GALNT10: variants seen among roughly 807,000 people sequenced by gnomAD.
GALNT10 encodes the protein polypeptide N-acetylgalactosaminyltransferase 10.
Under a neutral mutation model 75.0 loss-of-function variants are expected in GALNT10, and 41 were observed. That is an observed-to-expected ratio of 0.55 (90% CI 0.43 to 0.71). The LOEUF (loss-of-function observed/expected upper bound fraction) is 0.71. Ranked by LOEUF, GALNT10 falls within the 30% of genes least tolerant of loss-of-function variation. GALNT10 has a pLI of 0.00. For missense variants in GALNT10, 727 were observed against 818.5 expected (o/e 0.89, Z 1.36); for synonymous variants, 302 against 313.0 (o/e 0.96, Z 0.37).
intron 1 of GALNT10, chr5:154,287,637 A>T (rs1754131584): frequency 6.6e-6 from 1 of 152,166 alleles, no homozygotes; most frequent in Non-Finnish European, 1.5e-5. Context: ...CTTGTCTCAT[A>T]GCTGTTTGTG....
intron 1 of GALNT10, among the ~76,000 whole-genome samples, chr5:154,272,407 G>C (rs1753880884): frequency 1.3e-5 from 2 of 152,058 alleles, no homozygotes; most frequent in Non-Finnish European, 2.9e-5. Context: ...CTTCTTTTAG[G>C]CTCAGGGTCC....
At chr5:154,359,551 AAGAG>A (rs931799813) in intron 4 of GALNT10, among the ~76,000 whole-genome samples, 5 of 150,250 alleles carry the variant, frequency 3.3e-5, no homozygotes, top group African/African-American at 4.9e-5. Flanking sequence ...AAAAAAAAAA[AAGAG>A]AGAGAGAGAA....
At chr5:154,330,639 T>C (rs1298520612) in intron 4 of GALNT10, among the ~76,000 whole-genome samples, 2 of 152,106 alleles carry the variant, frequency 1.3e-5, no homozygotes, top group Non-Finnish European at 2.9e-5. Context: ...AAAAGTGAAA[T>C]CTAAGAGGAA....
rs150192577 is a variant in GALNT10 at position 154,329,585 on chromosome 5, C to T, written c.415C>T (p.Arg139Cys). 3.3e-4 allele frequency: 533 copies of T among 1,613,492 alleles called. No individual in the cohort carries two copies. Among genetic ancestry groups the T allele is most frequent in the Non-Finnish European group, 4.3e-4 (508 of 1,179,602 alleles). The change falls in exon 4 of 12, where the codon CGC becomes TGC. Residue 139 changes from arginine to cysteine, a missense_variant. Coordinates refer to ENST00000297107, the MANE Select transcript of GALNT10 (RefSeq NM_198321.4). The stretch of plus-strand genomic sequence containing the variant: ...GTTTCCCTCTAGCTGCAACAGCAAG[C>T]GCTACCTGGAGACACTTCCCAACAC... ...DIRHPNCNSKRYLETLPNTSI... is the reference protein window; with the variant it reads ...DIRHPNCNSKCYLETLPNTSI...
chr5:154,394,347 T>C (rs1000142160), intron 7 of GALNT10, among the ~76,000 whole-genome samples: 31 of 151,144 alleles, frequency 2.1e-4, no homozygotes, highest in Admixed American at 1.3e-3. Flanking sequence ...ACTCTGATTT[T>C]TTTTTTCCCA....
At chr5:154,228,304 G>T (rs1753093608) in intron 1 of GALNT10, among the ~76,000 whole-genome samples, 1 of 152,180 alleles carries the variant, frequency 6.6e-6, no homozygotes, top group Admixed American at 6.5e-5. Context: ...ATACTCAGTT[G>T]TTCTGGTATC....
chr5:154,243,386 AT>A (rs1753369302), intron 1 of GALNT10, among the ~76,000 whole-genome samples: 1 of 152,234 alleles, frequency 6.6e-6, no homozygotes, highest in Non-Finnish European at 1.5e-5. Context: ...TCTGAGTACT[AT>A]TTAACATAGG....
At position 154,191,002 on chromosome 5, in the gene GALNT10, G is replaced by C; in HGVS notation, c.136G>C (p.Ala46Pro). The C allele has an allele frequency of 6.8e-7, 1 of 1,480,018 alleles. No homozygotes were observed. Among genetic ancestry groups the C allele is most frequent in the Non-Finnish European group, 9.0e-7 (1 of 1,112,738 alleles). 91.7% of individuals were successfully genotyped at this position (1,480,018 alleles called of 1,614,324 possible). The change falls in exon 1 of 12, where the codon GCG becomes CCG. Residue 46 changes from alanine to proline, a missense_variant. Transcript: ENST00000297107. ...PDGTPGGSGAAVAPAAGQGSH... is the reference protein window; with the variant it reads ...PDGTPGGSGAPVAPAAGQGSH... ...CGGCACCCCTGGGGGATCGGGGGCGGCGGTGGCGCCGGCGGCGGGACAGGT... is the reference window on the plus strand; with the variant it reads ...CGGCACCCCTGGGGGATCGGGGGCGCCGGTGGCGCCGGCGGCGGGACAGGT...
In GALNT10 at chr5:154,376,402, G is replaced by A; in HGVS notation, c.694G>A (p.Val232Ile). 3 of 1,605,916 alleles carry A rather than the reference G, an allele frequency of 1.9e-6. No individual in the cohort carries two copies. Among genetic ancestry groups the A allele is most frequent in the South Asian group, 1.1e-5 (1 of 89,616 alleles). Residue 232 changes from valine to isoleucine, a missense_variant, in exon 5 of 12, where the codon GTC becomes ATC. Transcript: ENST00000297107. This position sits in a 1 kb window ranked among gnomAD's most constrained non-coding sequence, Gnocchi z 4.1. ...GGGGGCCTCAGTGGCAACTGGGGATGTCATCACATTCTTGGATTCACACTG... is the reference window on the plus strand; with the variant it reads ...GGGGGCCTCAGTGGCAACTGGGGATATCATCACATTCTTGGATTCACACTG... The part of the protein sequence containing the change: ...MLGASVATGD[V>I]ITFLDSHCEA...
intron 1 of GALNT10, among the ~76,000 whole-genome samples, chr5:154,221,391 C>T (rs1752975863): frequency 6.6e-6 from 1 of 152,136 alleles, no homozygotes; most frequent in African/African-American, 2.4e-5. Context: ...TGAGGGGTAT[C>T]CTCCCTGCAC....
At chr5:154,206,929 T>C (rs1380131247) in intron 1 of GALNT10, among the ~76,000 whole-genome samples, 2 of 152,212 alleles carry the variant, frequency 1.3e-5, no homozygotes, top group Non-Finnish European at 2.9e-5. Flanking sequence ...GTTTGGAGGC[T>C]ATTGGGGTGG....
At chr5:154,399,777 ATGAGACTCC>A (rs968600193) in intron 7 of GALNT10, among the ~76,000 whole-genome samples, 8 of 152,178 alleles carry the variant, frequency 5.3e-5, no homozygotes, top group Non-Finnish European at 8.8e-5. Context: ...AATACAACAG[ATGAGACTCC>A]TGCCAACACT....
At chr5:154,257,314 T>C (rs894773578) in intron 1 of GALNT10, among the ~76,000 whole-genome samples, 8 of 152,190 alleles carry the variant, frequency 5.3e-5, no homozygotes, top group Non-Finnish European at 1.2e-4. Flanking sequence ...TATACCTTCA[T>C]GTCTTTGTGA....
intron 4 of GALNT10, among the ~76,000 whole-genome samples, chr5:154,373,367 C>G (rs1755604204): frequency 1.3e-5 from 2 of 152,206 alleles, no homozygotes; most frequent in African/African-American, 2.4e-5. Flanking sequence ...AAGGGACTAA[C>G]TAAAGCGAGG....
At chr5:154,196,546 C>A (rs1263428953) in intron 1 of GALNT10, among the ~76,000 whole-genome samples, 1 of 152,084 alleles carries the variant, frequency 6.6e-6, no homozygotes, top group Non-Finnish European at 1.5e-5. Context: ...TTCTGACTTT[C>A]TCTGTGTGTT....
chr5:154,349,164 AG>A (rs935594894), intron 4 of GALNT10, among the ~76,000 whole-genome samples: 24 of 152,064 alleles, frequency 1.6e-4, no homozygotes, highest in Admixed American at 6.5e-5. Flanking sequence ...GTCATTGCCT[AG>A]TAAAGGAGGT....
intron 1 of GALNT10, among the ~76,000 whole-genome samples, chr5:154,221,251 C>T (rs879643845): frequency 2.0e-5 from 3 of 152,168 alleles, no homozygotes; most frequent in African/African-American, 2.4e-5. Flanking sequence ...TTATGTCCCT[C>T]GGCTGCTCCA....
chr5:154,295,445 A>T (rs1680549113), intron 2 of GALNT10, among the ~76,000 whole-genome samples: 1 of 48,680 alleles, frequency 2.1e-5, no homozygotes, highest in African/African-American at 1.2e-4. Context: ...GCACAGAAAG[A>T]GAGGCAAACT....
intron 4 of GALNT10, among the ~76,000 whole-genome samples, chr5:154,341,348 A>G (rs111368044): frequency 0.014 from 2,089 of 152,284 alleles, 44 homozygotes; most frequent in African/African-American, 0.046. Flanking sequence ...AGCAACCAGG[A>G]ATCTCAAAAT....
Sources: allele counts gnomAD v4.1 joint callset (sites outside exome capture counted in the v4.1 genomes callset), GRCh38; gene constraint gnomAD v4.1.1; non-coding constraint Gnocchi (gnomAD v3.1); transcripts MANE v1.5; gene names NCBI Gene and HGNC (gene_info 2026-07-23, HGNC 2026-07-21).